RIN2: variants seen among roughly 807,000 people sequenced by gnomAD.
RIN2 encodes Ras and Rab interactor 2.
Under a neutral mutation model 78.0 loss-of-function variants are expected in RIN2, and 36 were observed. That is an observed-to-expected ratio of 0.46 (90% CI 0.35 to 0.61). RIN2 has a LOEUF of 0.61. Among genes scored for constraint, RIN2 ranks in the 20% least tolerant of loss-of-function variants. The pLI, the probability that RIN2 is intolerant of heterozygous loss-of-function variation, is 0.00. For synonymous variants in RIN2, 466 were observed against 466.8 expected (o/e 1.00, Z 0.02); for missense variants, 1,087 against 1,159.7 (o/e 0.94, Z 0.91).
chr20:19,840,288 C>T (rs1267048264), intron 2 of RIN2, among the ~76,000 whole-genome samples: 1 of 152,188 alleles, frequency 6.6e-6, no homozygotes, highest in Admixed American at 6.5e-5. Flanking sequence ...CTCCTTTTCC[C>T]TGGTGCCACA....
intron 8 of RIN2, among the ~76,000 whole-genome samples, chr20:19,971,734 A>AT (rs2042112605): frequency 1.0e-5 from 1 of 100,168 alleles, no homozygotes; most frequent in South Asian, 2.6e-4. Context: ...CTGAAACTGC[A>AT]ATTTTTTTTT....
chr20:19,896,073 A>T (rs1389828505), intron 3 of RIN2: 1 of 152,266 alleles, frequency 6.6e-6, no homozygotes, highest in East Asian at 1.9e-4. Context: ...AAATTCATTC[A>T]TCTGCATGCA....
chr20:19,867,635 C>T (rs1285587957), intron 2 of RIN2, among the ~76,000 whole-genome samples: 1 of 152,200 alleles, frequency 6.6e-6, no homozygotes, highest in East Asian at 1.9e-4. Flanking sequence ...TCATGTTTTG[C>T]ACCCGTGGCA....
Position 19,824,253 on chromosome 20 carries a change from A to T in RIN2, c.-37+24506A>T, listed in dbSNP as rs550773807. On this transcript the variant is annotated intron_variant, in intron 2 of 12. Coordinates refer to ENST00000255006, the MANE Select transcript of RIN2 (RefSeq NM_018993.4). ...TTTGCTACCACGCCTTATCAGCGGG[A>T]GGCCCCTGTGCCCTTGAGTGAACAT... Among the ~76,000 whole-genome samples the T allele has an allele frequency of 8.5e-4, 129 of 152,172 alleles. 1 individual carries two copies. Among genetic ancestry groups the T allele is most frequent in the Admixed American group, 9.2e-4 (14 of 15,274 alleles).
intron 2 of RIN2, among the ~76,000 whole-genome samples, chr20:19,810,123 G>T (rs2035540777): frequency 6.6e-6 from 1 of 152,128 alleles, no homozygotes; most frequent in South Asian, 2.1e-4. Flanking sequence ...GAGGGGCCAG[G>T]CGTGGTGGCT....
At chr20:19,837,708 T>A (rs2036463248) in intron 2 of RIN2, among the ~76,000 whole-genome samples, 1 of 152,038 alleles carries the variant, frequency 6.6e-6, no homozygotes, top group African/African-American at 2.4e-5. Context: ...TTTAATATAA[T>A]TAAATTTGTC....
chr20:19,839,778 G>T (rs1171642625), intron 2 of RIN2, among the ~76,000 whole-genome samples: 1 of 152,064 alleles, frequency 6.6e-6, no homozygotes, highest in Non-Finnish European at 1.5e-5. Flanking sequence ...CCCTCTGAAT[G>T]AATCCTATCT....
intron 2 of RIN2, among the ~76,000 whole-genome samples, chr20:19,835,948 T>A (rs145034074): frequency 1.1e-3 from 172 of 152,290 alleles, no homozygotes; most frequent in African/African-American, 4.0e-3. Flanking sequence ...CACACATTCC[T>A]CTGAGCTCTG....
intron 3 of RIN2, among the ~76,000 whole-genome samples, chr20:19,918,404 A>G (rs1420122947): frequency 6.6e-6 from 1 of 151,304 alleles, no homozygotes. Flanking sequence ...TCAAAGATTG[A>G]TTTAACTCAT....
chr20:19,781,243 G>A (rs1408978298), intron 1 of RIN2, among the ~76,000 whole-genome samples: 2 of 152,202 alleles, frequency 1.3e-5, no homozygotes, highest in South Asian at 2.1e-4. Flanking sequence ...CCCAATGCAA[G>A]AACATCTGGG....
chr20:19,835,703 T>A (rs199901283), intron 2 of RIN2, among the ~76,000 whole-genome samples: 9,759 of 152,278 alleles, frequency 0.064, 326 homozygotes, highest in South Asian at 0.16. Flanking sequence ...TTTGCTTAAG[T>A]AACAGCAAAT....
At chr20:19,872,597 C>G (rs955813776) in intron 2 of RIN2, among the ~76,000 whole-genome samples, 7 of 152,176 alleles carry the variant, frequency 4.6e-5, no homozygotes, top group Non-Finnish European at 8.8e-5. Context: ...ACCCAGCTTC[C>G]TTGACCTCAA....
rs934379123 is a variant in RIN2, at chr20:19,975,210, C to T, written c.1185C>T (p.Ser395=). ...GPELELGTAG[S]PGGAPPEAAP... ...AGCTGGAGCTGGGCACAGCTGGCAG[C>T]CCAGGTGGGGCCCCGCCTGAGGCCG... Residue 395 remains serine (S), a synonymous_variant, in exon 9 of 13, where the codon AGC becomes AGT. Coordinates refer to ENST00000255006, the MANE Select transcript of RIN2 (RefSeq NM_018993.4). This position sits in a 1 kb window ranked among gnomAD's most constrained non-coding sequence, Gnocchi z 4.9. 6.3e-7 allele frequency: 1 copy of T among 1,595,904 alleles called. No homozygotes were observed. The highest frequency in any genetic ancestry group is 8.5e-7 in the Non-Finnish European group (1 of 1,171,442).
chr20:19,979,492 A>G (rs188286987), intron 9 of RIN2, among the ~76,000 whole-genome samples: 4 of 152,330 alleles, frequency 2.6e-5, no homozygotes, highest in Non-Finnish European at 4.4e-5. Context: ...GTTTGTTAAT[A>G]GAGAAATGAT....
intron 1 of RIN2, among the ~76,000 whole-genome samples, chr20:19,773,663 T>C (rs1329896110): frequency 1.3e-5 from 2 of 152,062 alleles, no homozygotes; most frequent in African/African-American, 4.8e-5. Flanking sequence ...TTCTGTGATC[T>C]CTCCATGGTA....
In RIN2 at chr20:19,974,766, T is replaced by C. The variant is rs200676810; in HGVS notation, c.741T>C (p.Asn247=). 6.9e-5 allele frequency: 112 copies of C among 1,613,976 alleles called. No homozygotes were observed. The highest frequency in any genetic ancestry group is 1.0e-4 in the Admixed American group (6 of 60,018). Residue 247 remains asparagine (N), a synonymous_variant, in exon 9 of 13, where the codon AAT becomes AAC. Coordinates refer to ENST00000255006, the MANE Select transcript of RIN2 (RefSeq NM_018993.4). The part of the protein sequence containing the change: ...PASLRQLCLI[N]GVHSIKTRTP... ...CCCTGCGTCAGCTCTGCCTTATAAA[T>C]GGAGTGCATTCTATCAAAACCAGGA... is the stretch of plus-strand genomic sequence containing the variant.
chr20:19,870,852 G>A (rs373537796), intron 2 of RIN2, among the ~76,000 whole-genome samples: 2 of 152,142 alleles, frequency 1.3e-5, no homozygotes, highest in Admixed American at 6.5e-5. Flanking sequence ...AGGGCATCAC[G>A]TCTGGAGGAA....
At chr20:19,947,196 G>T (rs2041132887) in intron 4 of RIN2, among the ~76,000 whole-genome samples, 1 of 151,898 alleles carries the variant, frequency 6.6e-6, no homozygotes, top group South Asian at 2.1e-4. Context: ...ACAACATTGA[G>T]ATATTACAAA....
At chr20:19,818,731 C>CA (rs1285476504) in intron 2 of RIN2, among the ~76,000 whole-genome samples, 65 of 49,450 alleles carry the variant, frequency 1.3e-3, no homozygotes, top group Middle Eastern at 0.023. Context: ...GACTCCGTAT[C>CA]AAAAAAAAAA....
Sources: gnomAD v4.1 joint callset for allele counts (sites outside exome capture counted in the v4.1 genomes callset) on GRCh38, gnomAD v4.1.1 for gene constraint, Gnocchi (gnomAD v3.1) non-coding constraint, MANE v1.5 for transcripts, NCBI Gene and HGNC (gene_info 2026-07-23, HGNC 2026-07-21) for gene names.